Variants in DMRT1 observed in about 807,000 individuals in gnomAD.
DMRT1 encodes the protein doublesex- and mab-3-related transcription factor 1.
A neutral mutation model predicts 32.3 loss-of-function variants in DMRT1; 7 were observed. The ratio of observed to expected loss-of-function variants is 0.22; its 90% confidence interval spans 0.12 to 0.41. DMRT1 has a LOEUF of 0.41. Ranked by LOEUF, DMRT1 falls within the 10% of genes least tolerant of loss-of-function variation. The pLI is 1.00. For missense variants in DMRT1, 625 were observed against 500.5 expected, an observed-to-expected ratio of 1.25 and a Z score of -2.37; for synonymous variants, 278 against 206.1, an observed-to-expected ratio of 1.35 and a Z score of -2.99.
At chr9:919,876 T>A (rs1001662833) in intron 4 of DMRT1, among the ~76,000 whole-genome samples, 2 of 152,194 alleles carry the variant, frequency 1.3e-5, no homozygotes, top group African/African-American at 4.8e-5. Context: ...TTGCTGTTGG[T>A]CTTTGGATGG....
At chr9:851,904 T>C (rs886554398) in intron 2 of DMRT1, among the ~76,000 whole-genome samples, 5 of 152,130 alleles carry the variant, frequency 3.3e-5, no homozygotes, top group Admixed American at 6.6e-5. Context: ...TTGCTGTTGC[T>C]TGTACCAGCA....
intron 3 of DMRT1, among the ~76,000 whole-genome samples, chr9:900,818 G>T (rs1434317671): frequency 6.6e-6 from 1 of 151,722 alleles, no homozygotes; most frequent in East Asian, 1.9e-4. Context: ...ACGAGTAGCT[G>T]GGACTACAGG....
intron 1 of DMRT1, among the ~76,000 whole-genome samples, chr9:844,507 T>G (rs919461029): frequency 4.2e-5 from 6 of 143,182 alleles, no homozygotes; most frequent in African/African-American, 1.8e-4. Context: ...TGATGTTCTC[T>G]TTCTAAGCCT....
intron 3 of DMRT1, among the ~76,000 whole-genome samples, chr9:913,537 A>G (rs757629959): frequency 6.6e-6 from 1 of 151,944 alleles, no homozygotes; most frequent in South Asian, 2.1e-4. Context: ...AAAAATTGCT[A>G]TTTACATAGT....
Position 956,572 on chromosome 9 carries a change from A to G in DMRT1, c.968-11413A>G, listed in dbSNP as rs36105832. 3.1e-5 allele frequency among the ~76,000 whole-genome samples: 4 copies of G among 129,538 alleles called. No individual in the cohort carries two copies. The South Asian group carries it at 1.4e-3, about 44-fold the overall frequency. The allele number at this position is 129,538 out of a possible 152,430, so 85.0% of individuals were successfully genotyped here. A position where few individuals can be genotyped will look rare whatever the true frequency, so the allele number is the denominator to read the frequency against. On this transcript the variant is annotated intron_variant, in intron 4 of 4. Coordinates refer to ENST00000382276, the MANE Select transcript of DMRT1 (RefSeq NM_021951.3). ...GAGCAAGACCCTGTCTCAAAAAAAA[A>G]AAAAACAAAAAACAAAAAACCCAAA...
At chr9:893,496 C>T (rs1356706606) in intron 2 of DMRT1, among the ~76,000 whole-genome samples, 6 of 152,232 alleles carry the variant, frequency 3.9e-5, no homozygotes, top group Non-Finnish European at 8.8e-5. Flanking sequence ...CCTAAATTCA[C>T]CTAAACTCTT....
intron 2 of DMRT1, among the ~76,000 whole-genome samples, chr9:852,760 C>T (rs1426103896): frequency 1.3e-5 from 2 of 152,208 alleles, no homozygotes; most frequent in African/African-American, 2.4e-5. Context: ...CCTCGGGCCC[C>T]CCTGGGCAGC....
intron 2 of DMRT1, 27 bp downstream of exon 2, chr9:847,170 T>G (rs1420465463): frequency 6.2e-7 from 1 of 1,609,384 alleles, no homozygotes; most frequent in Admixed American, 1.7e-5. Context: ...GGGGTTCACA[T>G]GGAGGCTGGG....
intron 4 of DMRT1, among the ~76,000 whole-genome samples, chr9:919,065 G>A (rs1370817440): frequency 6.6e-6 from 1 of 152,080 alleles, no homozygotes; most frequent in African/African-American, 2.4e-5. Flanking sequence ...GTGGGGATGC[G>A]GACATCAGTA....
intron 2 of DMRT1, among the ~76,000 whole-genome samples, chr9:854,671 G>T (rs1042331828): frequency 6.7e-6 from 1 of 148,690 alleles, no homozygotes; most frequent in African/African-American, 2.5e-5. Context: ...GCTAGAATAG[G>T]AAATGATATT....
chr9:877,074 A>AT (rs1309467193), intron 2 of DMRT1, among the ~76,000 whole-genome samples: 1 of 151,024 alleles, frequency 6.6e-6, no homozygotes, highest in African/African-American at 2.4e-5. Context: ...AAGGGATGAA[A>AT]TTACCTCCAA....
At chr9:853,867 C>G (rs2132558403) in intron 2 of DMRT1, among the ~76,000 whole-genome samples, 1 of 152,206 alleles carries the variant, frequency 6.6e-6, no homozygotes, top group Non-Finnish European at 1.5e-5. Context: ...TCCATCATGG[C>G]TCACTGCATC....
At chr9:849,792 CT>C (rs1300354930) in intron 2 of DMRT1, among the ~76,000 whole-genome samples, 1 of 15,328 alleles carries the variant, frequency 6.5e-5, no homozygotes, top group East Asian at 5.3e-4. Context: ...CTCCGGGAGC[CT>C]TTACCTTCTG....
chr9:843,444 T>C lies in DMRT1; in HGVS notation c.354+1252T>C, dbSNP rs183364945. 1.3e-3 allele frequency among the ~76,000 whole-genome samples: 202 copies of C among 152,368 alleles called. 1 individual carries two copies. Among genetic ancestry groups the C allele is most frequent in the African/African-American group, 4.6e-3 (192 of 41,582 alleles). ...CTCGACCGAAGATTAAAGTGCAAAT[T>C]ACTTTGAAGATGTTTTAAAGCACGC... On this transcript the variant is annotated intron_variant, in intron 1 of 4. Coordinates refer to ENST00000382276, the MANE Select transcript of DMRT1 (RefSeq NM_021951.3).
chr9:942,463 G>T (rs562323309), intron 4 of DMRT1, among the ~76,000 whole-genome samples: 104 of 152,112 alleles, frequency 6.8e-4, no homozygotes, highest in African/African-American at 2.2e-3. Context: ...TGTAGCGATG[G>T]GGTTTAGCCA....
intron 3 of DMRT1, among the ~76,000 whole-genome samples, chr9:914,479 C>A (rs1818103355): frequency 7.1e-6 from 1 of 141,328 alleles, no homozygotes; most frequent in South Asian, 2.2e-4. Context: ...GAGGCTGAGG[C>A]AGGAGAATGA....
At chr9:860,891 T>A (rs1815629381) in intron 2 of DMRT1, among the ~76,000 whole-genome samples, 1 of 152,098 alleles carries the variant, frequency 6.6e-6, no homozygotes, top group Non-Finnish European at 1.5e-5. Flanking sequence ...CCTGAGTGCT[T>A]TGAGCACAGG....
chr9:880,633 G>C (rs1816693767), intron 2 of DMRT1, among the ~76,000 whole-genome samples: 1 of 151,026 alleles, frequency 6.6e-6, no homozygotes. Flanking sequence ...GGCTGAGGCA[G>C]GAGAATTGCT....
chr9:955,603 G>C (rs1819575679), intron 4 of DMRT1, among the ~76,000 whole-genome samples: 1 of 152,172 alleles, frequency 6.6e-6, no homozygotes, highest in Non-Finnish European at 1.5e-5. Context: ...CTACTGGGGA[G>C]GCTGAGGTGG....
Sources: gnomAD v4.1 joint callset for allele counts (sites outside exome capture counted in the v4.1 genomes callset) on GRCh38, gnomAD v4.1.1 for gene constraint, MANE v1.5 for transcripts, NCBI Gene and HGNC (gene_info 2026-07-23, HGNC 2026-07-21) for gene names.